The following DLG2 variants were observed in gnomAD, a reference collection of about 807,000 sequenced individuals.
DLG2 encodes discs large MAGUK scaffold protein 2, also known as disks large homolog 2.
In DLG2, 45 loss-of-function variants were observed where a neutral mutation model predicts 132.5. The observed-to-expected ratio is 0.34, with a 90% confidence interval of 0.27 to 0.44. DLG2 has a LOEUF of 0.44. DLG2 is among the 20% of genes least tolerant of loss of function. The pLI, the probability that DLG2 is intolerant of heterozygous loss-of-function variation, is 1.00. For missense variants in DLG2, 1,045 were observed against 1,196.9 expected, an observed-to-expected ratio of 0.87 and a Z score of 1.87; for synonymous variants, 424 against 419.6, an observed-to-expected ratio of 1.01 and a Z score of -0.13.
At chr11:85,533,007 TTTGTTGTTGTTGTTG>T (rs142405019) in intron 3 of DLG2, among the ~76,000 whole-genome samples, 4 of 151,122 alleles carry the variant, frequency 2.6e-5, no homozygotes. Flanking sequence ...CTAAGGTGTT[TTTGTTGTTGTTGTTG>T]TTGTTGTTGT....
chr11:85,215,396 T>G (rs1040565528), intron 4 of DLG2, among the ~76,000 whole-genome samples: 1 of 152,192 alleles, frequency 6.6e-6, no homozygotes, highest in African/African-American at 2.4e-5. Flanking sequence ...AACAATTATA[T>G]ATGAAGAACA....
At chr11:85,111,861 G>A in intron 5 of DLG2, 126 bp from the exon 6 acceptor site, 3 of 664,062 alleles carry the variant, frequency 4.5e-6, no homozygotes, top group Non-Finnish European at 7.1e-6. Context: ...AGAATGCTTT[G>A]TTGGTGCAAT....
intron 11 of DLG2, among the ~76,000 whole-genome samples, chr11:84,045,809 T>C (rs1000796297): frequency 6.6e-6 from 1 of 151,572 alleles, no homozygotes; most frequent in South Asian, 2.1e-4. Context: ...GAATGGTTAA[T>C]GAACTGGGGG....
chr11:85,372,978 T>C (rs1330771073), intron 3 of DLG2, among the ~76,000 whole-genome samples: 1 of 152,224 alleles, frequency 6.6e-6, no homozygotes, highest in Non-Finnish European at 1.5e-5. Flanking sequence ...AAAAATGCTT[T>C]ATTTTTCCTT....
At chr11:84,729,392 G>A (rs933241812) in intron 6 of DLG2, among the ~76,000 whole-genome samples, 2 of 152,120 alleles carry the variant, frequency 1.3e-5, no homozygotes, top group Admixed American at 6.6e-5. Context: ...GTGGTTTTGA[G>A]TGAGTTTCTT....
chr11:85,214,761 T>C (rs185726134), intron 4 of DLG2, among the ~76,000 whole-genome samples: 1 of 152,324 alleles, frequency 6.6e-6, no homozygotes, highest in Non-Finnish European at 1.5e-5. Context: ...TCTTCTTAAA[T>C]TAGGAAACTT....
intron 18 of DLG2, among the ~76,000 whole-genome samples, chr11:83,662,908 C>T (rs2153552487): frequency 6.6e-6 from 1 of 152,276 alleles, no homozygotes; most frequent in Non-Finnish European, 1.5e-5. Flanking sequence ...TTACAGTTTC[C>T]TCAGACTCCA....
chr11:83,852,698 A>G (rs2059972091), intron 16 of DLG2, among the ~76,000 whole-genome samples: 1 of 152,192 alleles, frequency 6.6e-6, no homozygotes, highest in Non-Finnish European at 1.5e-5. Flanking sequence ...TCCTGTATAA[A>G]TGTCCTGTAT....
At chr11:85,312,041 T>C (rs2080347684) in intron 3 of DLG2, among the ~76,000 whole-genome samples, 1 of 151,998 alleles carries the variant, frequency 6.6e-6, no homozygotes, top group Admixed American at 6.6e-5. Flanking sequence ...TCTTCTCCCT[T>C]TTCTTTATGG....
chr11:83,484,022 G>GTTGT (rs1014150347), intron 22 of DLG2, 107 bp downstream of exon 22: 13 of 865,794 alleles, frequency 1.5e-5, no homozygotes, highest in Non-Finnish European at 2.3e-5. Context: ...TGCCTGCTGT[G>GTTGT]TTGTTTGCCT....
chr11:85,034,513 G>A (rs1253564286), intron 6 of DLG2, among the ~76,000 whole-genome samples: 1 of 152,176 alleles, frequency 6.6e-6, no homozygotes, highest in East Asian at 1.9e-4. Flanking sequence ...CCAACGTGAA[G>A]TAACAGGAGA....
intron 3 of DLG2, among the ~76,000 whole-genome samples, chr11:85,492,390 A>C (rs554684122): frequency 2.0e-4 from 30 of 152,180 alleles, no homozygotes; most frequent in Non-Finnish European, 3.4e-4. Flanking sequence ...AACTACAAAA[A>C]ACAAACCACT....
chr11:83,744,968 T>C (rs762332309), intron 18 of DLG2, among the ~76,000 whole-genome samples: 7 of 152,226 alleles, frequency 4.6e-5, no homozygotes, highest in Non-Finnish European at 1.0e-4. Flanking sequence ...AGCAGTTTAA[T>C]CCAGCGTGGC....
chr11:85,239,349 TG>T (rs1373318158), intron 4 of DLG2, among the ~76,000 whole-genome samples: 1 of 152,114 alleles, frequency 6.6e-6, no homozygotes, highest in East Asian at 1.9e-4. Context: ...AATGTTTGTG[TG>T]GGTAAGTTTT....
At chr11:85,173,074 C>A (rs930433785) in intron 4 of DLG2, among the ~76,000 whole-genome samples, 18 of 152,224 alleles carry the variant, frequency 1.2e-4, no homozygotes, top group African/African-American at 4.1e-4. Flanking sequence ...GAGAACTTCC[C>A]TAACCTAGCA....
chr11:84,705,092 G>A (rs2059647425), intron 6 of DLG2, among the ~76,000 whole-genome samples: 1 of 151,528 alleles, frequency 6.6e-6, no homozygotes, highest in Admixed American at 6.6e-5. Context: ...CTGCCTAGTT[G>A]GCCAGAATGA....
chr11:84,329,634 T>G (rs1439802262), intron 7 of DLG2, among the ~76,000 whole-genome samples: 3 of 152,180 alleles, frequency 2.0e-5, no homozygotes, highest in Admixed American at 2.0e-4. Context: ...TCTTAGGCAG[T>G]CCTTTATAGC....
At chr11:84,055,124 T>G (rs2096475052) in intron 11 of DLG2, among the ~76,000 whole-genome samples, 1 of 152,034 alleles carries the variant, frequency 6.6e-6, no homozygotes, top group African/African-American at 2.4e-5. Flanking sequence ...GAGATTTCCT[T>G]TTCAGACACA....
chr11:84,890,159 G>A (rs968108511), intron 6 of DLG2, among the ~76,000 whole-genome samples: 1 of 152,138 alleles, frequency 6.6e-6, no homozygotes, highest in African/African-American at 2.4e-5. Flanking sequence ...TGATTGAAGG[G>A]TATAAAGGAT....
Sources: allele counts gnomAD v4.1 joint callset (sites outside exome capture counted in the v4.1 genomes callset), GRCh38; gene constraint gnomAD v4.1.1; transcripts MANE v1.5; gene names NCBI Gene and HGNC (gene_info 2026-07-23, HGNC 2026-07-21).